The following GSTA1 variants were observed in gnomAD, a reference collection of about 807,000 sequenced individuals.
The protein encoded by GSTA1 is glutathione S-transferase alpha 1.
Under a neutral mutation model 21.5 loss-of-function variants are expected in GSTA1, and 23 were observed. The ratio of observed to expected loss-of-function variants is 1.07; its 90% confidence interval spans 0.77 to 1.52. The LOEUF is 1.52. Ranked by LOEUF, GSTA1 falls within the 40% of genes most tolerant of loss-of-function variation. The pLI is 0.00. For synonymous variants in GSTA1, 125 were observed against 90.0 expected (o/e 1.39, Z -2.20); for missense variants, 301 against 264.2 (o/e 1.14, Z -0.96).
At chr6:52,795,987 C>T (rs1763566678) in intron 4 of GSTA1, among the ~76,000 whole-genome samples, 195 bp downstream of exon 4, 1 of 152,144 alleles carries the variant, frequency 6.6e-6, no homozygotes. Context: ...CTTCTAGAAT[C>T]ACCCTTGCCT....
chr6:52,800,151 A>G (rs1400243044), intron 1 of GSTA1, among the ~76,000 whole-genome samples: 2 of 152,364 alleles, frequency 1.3e-5, no homozygotes, highest in East Asian at 1.9e-4. Flanking sequence ...GTTCAACATC[A>G]GTTACACACT....
Position 52,794,124 on chromosome 6 carries a change from CTT to C in GSTA1, c.413_414del (p.Lys138SerfsTer19). The C allele has an allele frequency of 1.2e-6, 2 of 1,613,668 alleles. No homozygotes were observed. The highest frequency in any genetic ancestry group is 2.2e-5 in the South Asian group (2 of 91,058). On this transcript the variant is annotated frameshift_variant and splice_region_variant, in exon 5 of 7. Coordinates refer to ENST00000334575, the MANE Select transcript of GSTA1 (RefSeq NM_145740.5). LOFTEE classifies it high-confidence loss of function. ...CCAAAACACTGAACTGCTTCACTTA[CTT>C]TTTCAAAGGCAGGGAAGTAGCGATT... is the stretch of plus-strand genomic sequence containing the variant. ...IKNRYFPAFE[K>X]VLKSHGQDYL... is the part of the protein sequence containing the mutation.
intron 6 of GSTA1, 55 bp from the exon 7 acceptor site, chr6:52,792,035 A>G: frequency 1.9e-6 from 3 of 1,606,608 alleles, no homozygotes; most frequent in Non-Finnish European, 2.5e-6. Flanking sequence ...CACCACCATT[A>G]ACATGACCCA....
intron 2 of GSTA1, among the ~76,000 whole-genome samples, chr6:52,798,024 G>A (rs1176703155): frequency 6.6e-6 from 1 of 152,186 alleles, no homozygotes; most frequent in African/African-American, 2.4e-5. Flanking sequence ...CCAGCATGAG[G>A]CATGCCATGG....
chr6:52,802,010 C>G (rs1763729172), intron 1 of GSTA1, among the ~76,000 whole-genome samples: 1 of 152,056 alleles, frequency 6.6e-6, no homozygotes, highest in African/African-American at 2.4e-5. Context: ...TATATATTAG[C>G]CAAATAAATG....
chr6:52,796,543 A>ATAT lies in GSTA1; in HGVS notation c.140-230_140-229insATA, dbSNP rs1300549721. ...TGTGTGTGTGTGTATATATATATAT[A>ATAT]TTTTTTTTTTTTTTTTTTTTGGCAG... On this transcript the variant is annotated intron_variant, in intron 3 of 6. Coordinates refer to ENST00000334575, the MANE Select transcript of GSTA1 (RefSeq NM_145740.5). Among the ~76,000 whole-genome samples the ATAT allele has an allele frequency of 3.2e-3, 77 of 23,734 alleles. 1 individual carries two copies. Among genetic ancestry groups the ATAT allele is most frequent in the Non-Finnish European group, 5.2e-3 (49 of 9,366 alleles). The allele number at this position is 23,734 out of a possible 152,430, so 15.6% of individuals were successfully genotyped here.
intron 1 of GSTA1, among the ~76,000 whole-genome samples, chr6:52,800,479 TGTTA>T (rs1165021413): frequency 1.3e-5 from 2 of 152,220 alleles, no homozygotes; most frequent in Non-Finnish European, 2.9e-5. Flanking sequence ...TTTGATGAGT[TGTTA>T]GTTTCAGTTA....
At chr6:52,799,538 A>G (rs979712209) in intron 1 of GSTA1, among the ~76,000 whole-genome samples, 2 of 152,174 alleles carry the variant, frequency 1.3e-5, no homozygotes, top group Admixed American at 6.5e-5. Context: ...TGGCAGCATA[A>G]GAGGTGAGAG....
chr6:52,792,967 T>G lies in GSTA1; in HGVS notation c.435A>C (p.Gln145His), dbSNP rs760039526. 1.9e-5 allele frequency: 31 copies of G among 1,613,988 alleles called. No individual in the cohort carries two copies. In the South Asian group the frequency reaches 3.4e-4, roughly 18 times the overall value. ...AFEKVLKSHG[Q>H]DYLVGNKLSR... ...TCAGCTTGTTGCCAACAAGGTAGTC[T>G]TGTCCATGGCTCTTTAAGACCTGGA... The change falls in exon 6 of 7, where the codon CAA (glutamine) becomes CAC (histidine). Residue 145 changes from glutamine to histidine, a missense_variant. By Grantham distance (24) the Gln-to-His change is conservative. Transcript: ENST00000334575.
rs561180630 is a variant in GSTA1, at chr6:52,803,610, C to G, written c.-31+175G>C. 3.9e-5 allele frequency among the ~76,000 whole-genome samples: 6 copies of G among 152,166 alleles called. No homozygotes were observed. In the East Asian group the frequency reaches 1.2e-3, roughly 29 times the overall value. ...TTTTTACAATTCTGTAAAGATGTAT[C>G]CAACAGAAAAGAAATAAACAATTCT... On this transcript the variant is annotated intron_variant, in intron 1 of 6. Coordinates refer to ENST00000334575, the MANE Select transcript of GSTA1 (RefSeq NM_145740.5).
chr6:52,795,994 G>A (rs1266397482), intron 4 of GSTA1, among the ~76,000 whole-genome samples, 188 bp downstream of exon 4: 1 of 152,094 alleles, frequency 6.6e-6, no homozygotes, highest in East Asian at 1.9e-4. Context: ...AATCACCCTT[G>A]CCTGAACCCT....
At chr6:52,796,398 A>G (rs1008916114) in intron 3 of GSTA1, 84 bp from the exon 4 acceptor site, 3 of 1,567,640 alleles carry the variant, frequency 1.9e-6, no homozygotes, top group African/African-American at 2.8e-5. Context: ...GGAAATGACT[A>G]AATTTGTAAA....
chr6:52,801,287 T>C (rs1763710961), intron 1 of GSTA1, among the ~76,000 whole-genome samples: 2 of 152,246 alleles, frequency 1.3e-5, no homozygotes, highest in Admixed American at 6.5e-5. Flanking sequence ...CTTTGGAAAG[T>C]AAAGAATTCT....
At chr6:52,797,695 C>CA in intron 2 of GSTA1, 58 bp from the exon 3 acceptor site, 3 of 1,409,980 alleles carry the variant, frequency 2.1e-6, no homozygotes, top group Non-Finnish European at 2.0e-6. Flanking sequence ...AGACTGTGGC[C>CA]TTGAATGGCC....
chr6:52,794,319 A>C, intron 4 of GSTA1, 53 bp from the exon 5 acceptor site: 2 of 1,556,896 alleles, frequency 1.3e-6, no homozygotes, highest in Non-Finnish European at 1.7e-6. Flanking sequence ...TAGATTTTAT[A>C]GGTTTATAAA....
At chr6:52,799,145 T>C in intron 2 of GSTA1, 36 bp downstream of exon 2, 1 of 1,589,468 alleles carries the variant, frequency 6.3e-7, no homozygotes, top group South Asian at 1.1e-5. Flanking sequence ...AACACAATTT[T>C]AAATCCAACT....
rs532349136 is a variant in GSTA1 at position 52,799,298 on chromosome 6, CTGAATGAATGAA to C, written c.-30-13_-30-2del. On this transcript the variant is annotated splice_acceptor_variant and splice_polypyrimidine_tract_variant and intron_variant, in intron 1 of 6. Coordinates refer to ENST00000334575, the MANE Select transcript of GSTA1 (RefSeq NM_145740.5). LOFTEE classifies it low-confidence loss of function (5UTR_SPLICE). ...CAGTCTCCTGGAGGTTTCTCTAAGC[CTGAATGAATGAA>C]TGAATGAATGAATAATTGAAACGAT... 1 of 1,526,124 alleles carries C rather than the reference CTGAATGAATGAA, an allele frequency of 6.6e-7. No individual in the cohort carries two copies. Among genetic ancestry groups the C allele is most frequent in the African/African-American group, 1.4e-5 (1 of 72,212 alleles). 94.5% of individuals were successfully genotyped at this position (1,526,124 alleles called of 1,614,324 possible).
In GSTA1 at chr6:52,792,917, T is replaced by C; in HGVS notation, c.485A>G (p.Glu162Gly). 6.2e-7 allele frequency: 1 copy of C among 1,614,036 alleles called. No individual in the cohort carries two copies. The highest frequency in any genetic ancestry group is 8.5e-7 in the Non-Finnish European group (1 of 1,179,978). The change falls in exon 6 of 7, where the codon GAA becomes GGA. Residue 162 changes from glutamate to glycine, a missense_variant. Glu to Gly is a moderately conservative substitution (Grantham distance 98). Transcript: ENST00000334575. ...AAGCTCCTCGACGTAGTAGAGAAGTTCCACCAGATGAATGTCAGCCCGGCT... is the reference window on the plus strand; with the variant it reads ...AAGCTCCTCGACGTAGTAGAGAAGTCCCACCAGATGAATGTCAGCCCGGCT... ...KLSRADIHLV[E>G]LLYYVEELDS...
intron 1 of GSTA1, among the ~76,000 whole-genome samples, chr6:52,801,853 G>A (rs1763724565): frequency 6.6e-6 from 1 of 152,142 alleles, no homozygotes; most frequent in Non-Finnish European, 1.5e-5. Flanking sequence ...GAGTTTCAGA[G>A]AGCTAAAGCA....
Sources: allele counts gnomAD v4.1 joint callset (sites outside exome capture counted in the v4.1 genomes callset), GRCh38; gene constraint gnomAD v4.1.1; transcripts MANE v1.5; gene names NCBI Gene and HGNC (gene_info 2026-07-23, HGNC 2026-07-21).